USP22: variants seen among roughly 807,000 people sequenced by gnomAD.
USP22 encodes the protein ubiquitin carboxyl-terminal hydrolase 22.
USP22 carries 22 observed loss-of-function variants against 68.1 expected under a neutral mutation model. The observed-to-expected ratio is 0.32, with a 90% confidence interval of 0.23 to 0.46. The LOEUF (loss-of-function observed/expected upper bound fraction) is 0.46, where lower values mean the gene tolerates loss of function less well. USP22 is among the 20% of genes least tolerant of loss of function. The pLI is 1.00. For missense variants in USP22, 433 were observed against 695.8 expected, an observed-to-expected ratio of 0.62 and a Z score of 4.25; for synonymous variants, 279 against 274.2, an observed-to-expected ratio of 1.02 and a Z score of -0.17.
At chr17:21,005,973 G>A (rs1010855940) in intron 10 of USP22, among the ~76,000 whole-genome samples, 1 of 152,198 alleles carries the variant, frequency 6.6e-6, no homozygotes, top group Non-Finnish European at 1.5e-5. Flanking sequence ...AGCTGGCCAT[G>A]TGACCCGGAA....
At chr17:21,007,344 C>T (rs1194653826) in intron 9 of USP22, among the ~76,000 whole-genome samples, 6 of 152,148 alleles carry the variant, frequency 3.9e-5, no homozygotes, top group Admixed American at 6.5e-5. Flanking sequence ...CAGTCCTTTG[C>T]CTAGATCAGG....
chr17:21,036,443 GTACC>G (rs1174693187), intron 1 of USP22, among the ~76,000 whole-genome samples: 1 of 141,748 alleles, frequency 7.1e-6, no homozygotes, highest in African/African-American at 2.6e-5. Context: ...GGGGAGGGAA[GTACC>G]TAAGTAATGT....
chr17:21,015,616 A>T, intron 6 of USP22, 136 bp downstream of exon 6: 1 of 1,258,572 alleles, frequency 7.9e-7, no homozygotes, highest in East Asian at 2.7e-5. Flanking sequence ...ACAAATGACG[A>T]CAAGGGCTAT....
At chr17:21,028,458 G>C (rs1312522502) in intron 2 of USP22, 84 bp downstream of exon 2, 1 of 1,564,476 alleles carries the variant, frequency 6.4e-7, no homozygotes, top group African/African-American at 1.4e-5. Context: ...TGGACTTTTG[G>C]AAGAGTGGAA....
chr17:21,042,826 G>T lies in USP22; in HGVS notation c.10C>A (p.Arg4=). 1 of 1,386,214 alleles carries T rather than the reference G, an allele frequency of 7.2e-7. No homozygotes were observed. Among genetic ancestry groups the T allele is most frequent in the Non-Finnish European group, 9.4e-7 (1 of 1,064,020 alleles). The allele number at this position is 1,386,214 out of a possible 1,614,324, so 85.9% of individuals were successfully genotyped here. ...ATGGCCTCGCCCTCGGGCTCTGGCC[G>T]GGACACCATGGGGGGCAAGGCCCGG... is the stretch of plus-strand genomic sequence containing the variant. The part of the protein sequence containing the change: MVS[R]PEPEGEAMDA... The change falls in exon 1 of 13, where the codon CGG becomes AGG. Residue 4 remains arginine, a synonymous_variant. Transcript: ENST00000261497.
intron 6 of USP22, among the ~76,000 whole-genome samples, chr17:21,015,089 TGAG>T (rs1393317784): frequency 6.6e-6 from 1 of 152,124 alleles, no homozygotes; most frequent in African/African-American, 2.4e-5. Flanking sequence ...ATCTCCACCA[TGAG>T]GAGTGGGGAG....
chr17:21,026,016 T>C (rs1480972071), intron 2 of USP22, among the ~76,000 whole-genome samples: 1 of 152,154 alleles, frequency 6.6e-6, no homozygotes, highest in Non-Finnish European at 1.5e-5. Flanking sequence ...TCCCAGCACT[T>C]TGGGAGGCCG....
At chr17:21,004,009 G>C (rs1389741184) in intron 12 of USP22, among the ~76,000 whole-genome samples, 193 bp downstream of exon 12, 3 of 152,030 alleles carry the variant, frequency 2.0e-5, no homozygotes, top group Admixed American at 6.5e-5. Context: ...GAGGGCCTTT[G>C]CTCAGGCACC....
At chr17:21,041,057 G>A (rs571231832) in intron 1 of USP22, among the ~76,000 whole-genome samples, 160 of 151,804 alleles carry the variant, frequency 1.1e-3, no homozygotes, top group Non-Finnish European at 1.9e-3. Flanking sequence ...GCTACTTTTC[G>A]TATTTTTAGT....
chr17:21,042,322 G>C (rs1478685750), intron 1 of USP22: 2 of 169,554 alleles, frequency 1.2e-5, no homozygotes, highest in African/African-American at 4.8e-5. Context: ...CCCCTCCCGG[G>C]CCAAGAAGGA....
chr17:21,029,622 G>C (rs1353858825), intron 1 of USP22, among the ~76,000 whole-genome samples: 1 of 152,190 alleles, frequency 6.6e-6, no homozygotes, highest in African/African-American at 2.4e-5. Flanking sequence ...TGTGAAAATA[G>C]TAGAAAAGGT....
intron 1 of USP22, among the ~76,000 whole-genome samples, chr17:21,040,629 T>C (rs1446751407): frequency 1.5e-4 from 23 of 152,156 alleles, no homozygotes; most frequent in South Asian, 2.1e-4. Context: ...TTCTTAACTT[T>C]AGGAAATTAG....
chr17:21,036,523 G>GGGGC (rs1555530961), intron 1 of USP22, among the ~76,000 whole-genome samples: 14 of 143,946 alleles, frequency 9.7e-5, no homozygotes, highest in African/African-American at 3.6e-4. Flanking sequence ...TACTGTAAGG[G>GGGGC]GGGGGGGGGT....
At position 20,999,647 on chromosome 17, in the gene USP22, G is replaced by T. The variant is rs150808910; in HGVS notation, c.*3384C>A. 9 of 152,342 alleles carry T rather than the reference G, an allele frequency of 5.9e-5. No homozygotes were observed. The highest frequency in any genetic ancestry group is 1.4e-4 in the African/African-American group (6 of 41,566). The allele number at this position is 152,342 out of a possible 1,614,324, so 9.4% of individuals were successfully genotyped here. ...CATAGGAGAGACTACAAAGCACTGG[G>T]GGGGAGGAGGAGTGACACAGCTCCT... On this transcript the variant is annotated 3_prime_UTR_variant, in exon 13 of 13. Coordinates refer to ENST00000261497, the MANE Select transcript of USP22 (RefSeq NM_015276.2).
chr17:21,025,502 T>A (rs376604245), intron 2 of USP22, among the ~76,000 whole-genome samples: 3 of 152,182 alleles, frequency 2.0e-5, no homozygotes, highest in African/African-American at 2.4e-5. Flanking sequence ...CTTCTAGGTA[T>A]ACATCCAAGA....
intron 10 of USP22, among the ~76,000 whole-genome samples, chr17:21,006,268 C>G (rs1234166971): frequency 6.6e-6 from 1 of 152,244 alleles, no homozygotes; most frequent in Non-Finnish European, 1.5e-5. Flanking sequence ...CAATCTACAA[C>G]TGCAAAACCA....
chr17:21,015,527 T>C, intron 6 of USP22: 1 of 565,208 alleles, frequency 1.8e-6, no homozygotes, highest in Non-Finnish European at 2.9e-6. Flanking sequence ...CCTGTCATAC[T>C]GCTGGAACTA....
intron 2 of USP22, among the ~76,000 whole-genome samples, chr17:21,022,660 A>G (rs765910430): frequency 6.6e-6 from 1 of 152,160 alleles, no homozygotes; most frequent in African/African-American, 2.4e-5. Context: ...TTAGCCAGGC[A>G]TGGTGGCAGG....
In USP22 at chr17:21,007,906, C is replaced by T. The variant is rs1873646304; in HGVS notation, c.1194G>A (p.Met398Ile). ...AACAGGCTACGATGGGCAGTTTCTT[C>T]ATAGTGAGCTGCTTTGTGGACTCCT... ...SYQESTKQLTMKKLPIVACFH... is the reference protein window; with the variant it reads ...SYQESTKQLTIKKLPIVACFH... Residue 398 changes from methionine to isoleucine, a missense_variant, in exon 9 of 13, where the codon ATG (methionine) becomes ATA (isoleucine). Physicochemically the swap from Met to Ile is conservative, Grantham distance 10. Around this residue, in one of 4 missense-constraint regions of USP22, gnomAD observed 178 missense variants for 351.5 expected, o/e 0.51. Coordinates refer to ENST00000261497, the MANE Select transcript of USP22 (RefSeq NM_015276.2). 3.1e-6 allele frequency: 5 copies of T among 1,614,056 alleles called. No individual in the cohort carries two copies. The highest frequency in any genetic ancestry group is 4.2e-6 in the Non-Finnish European group (5 of 1,180,042).
Sources: allele counts gnomAD v4.1 joint callset (sites outside exome capture counted in the v4.1 genomes callset), GRCh38; gene constraint gnomAD v4.1.1; regional missense constraint gnomAD v4.1.1; transcripts MANE v1.5; gene names NCBI Gene and HGNC (gene_info 2026-07-23, HGNC 2026-07-21).